Variants in AKAP6 observed in about 807,000 individuals in gnomAD.
AKAP6 encodes A-kinase anchor protein 6.
Under a neutral mutation model 188.5 loss-of-function variants are expected in AKAP6, and 58 were observed. That is an observed-to-expected ratio of 0.31 (90% confidence interval 0.25 to 0.38). The LOEUF is 0.38. Ranked by LOEUF, AKAP6 falls within the 10% of genes least tolerant of loss-of-function variation. The pLI, the probability that AKAP6 is intolerant of heterozygous loss-of-function variation, is 1.00. For missense variants in AKAP6, 2,710 were observed against 2,740.0 expected (o/e 0.99, Z 0.24); for synonymous variants, 989 against 998.6 (o/e 0.99, Z 0.18).
intron 12 of AKAP6, among the ~76,000 whole-genome samples, chr14:32,776,420 C>T (rs756677795): frequency 1.2e-4 from 19 of 152,146 alleles, no homozygotes; most frequent in East Asian, 7.7e-4. Context: ...GTGCCTTTTG[C>T]CTTCCACCAT....
chr14:32,784,425 T>C (rs2140029046), intron 12 of AKAP6, among the ~76,000 whole-genome samples: 1 of 152,324 alleles, frequency 6.6e-6, no homozygotes, highest in South Asian at 2.1e-4. Context: ...CAGTCTAGTA[T>C]ACACAATTTC....
chr14:32,612,172 T>C (rs942987834), intron 7 of AKAP6, among the ~76,000 whole-genome samples: 2 of 152,210 alleles, frequency 1.3e-5, no homozygotes, highest in African/African-American at 4.8e-5. Context: ...CATTTGGTGA[T>C]TAATCTCACA....
intron 12 of AKAP6, among the ~76,000 whole-genome samples, chr14:32,815,548 A>G (rs2034356260): frequency 6.6e-6 from 1 of 152,206 alleles, no homozygotes; most frequent in Non-Finnish European, 1.5e-5. Flanking sequence ...AAGTCCAGCT[A>G]GGATATGAAA....
chr14:32,718,033 C>T (rs1428472858), intron 9 of AKAP6, among the ~76,000 whole-genome samples: 2 of 152,084 alleles, frequency 1.3e-5, no homozygotes, highest in East Asian at 3.9e-4. Context: ...TCTTAGGGCC[C>T]ACCAATTTCT....
At chr14:32,788,040 CAAAAAAA>C (rs10606532) in intron 12 of AKAP6, among the ~76,000 whole-genome samples, 3 of 96,342 alleles carry the variant, frequency 3.1e-5, no homozygotes, top group Non-Finnish European at 4.1e-5. Context: ...GACCCCATCT[CAAAAAAA>C]AAAAAAAAAA....
chr14:32,428,544 G>A (rs8014419), intron 1 of AKAP6, among the ~76,000 whole-genome samples: 144,460 of 152,208 alleles, frequency 0.95, 68,594 homozygotes, highest in Admixed American at 0.97. Flanking sequence ...CTGAAGGGCC[G>A]TTAGGGAAAA....
rs139471410 is a variant in AKAP6 at position 32,489,236 on chromosome 14, A to G, written c.325-46318A>G. 3.1e-3 allele frequency among the ~76,000 whole-genome samples: 475 copies of G among 152,216 alleles called. 3 individuals carry two copies. The highest frequency in any genetic ancestry group is 0.011 in the African/African-American group (440 of 41,532). ...TGACTGATTAATTTTTAGAGCTGCA[A>G]TCTCACTCTGTCGCCCAGGCTGTGT... On this transcript the variant is annotated intron_variant, in intron 2 of 13. Coordinates refer to ENST00000280979, the MANE Select transcript of AKAP6 (RefSeq NM_004274.5).
chr14:32,705,117 A>G (rs1171741941), intron 9 of AKAP6, among the ~76,000 whole-genome samples: 1 of 152,190 alleles, frequency 6.6e-6, no homozygotes, highest in Non-Finnish European at 1.5e-5. Flanking sequence ...AAAGAAGCAC[A>G]TTTGTGGTTG....
At chr14:32,543,070 C>A (rs1281866168) in intron 3 of AKAP6, among the ~76,000 whole-genome samples, 1 of 152,210 alleles carries the variant, frequency 6.6e-6, no homozygotes, top group Admixed American at 6.5e-5. Flanking sequence ...ATCCACTCTT[C>A]TAGCTATTTG....
At chr14:32,780,420 C>T (rs566494597) in intron 12 of AKAP6, among the ~76,000 whole-genome samples, 27 of 151,978 alleles carry the variant, frequency 1.8e-4, no homozygotes, top group African/African-American at 6.5e-4. Context: ...GAGTTATGGT[C>T]CTATTAAAAA....
intron 5 of AKAP6, among the ~76,000 whole-genome samples, chr14:32,597,023 T>G (rs1430084949): frequency 1.3e-5 from 2 of 152,182 alleles, no homozygotes; most frequent in African/African-American, 4.8e-5. Context: ...GTAATAGTTA[T>G]GTTAAATGGT....
At chr14:32,574,837 G>A (rs529459971) in intron 4 of AKAP6, among the ~76,000 whole-genome samples, 10 of 152,286 alleles carry the variant, frequency 6.6e-5, no homozygotes, top group African/African-American at 2.2e-4. Flanking sequence ...ACAGATGACA[G>A]ACAATACTTC....
rs1227156077 is a variant in AKAP6, at chr14:32,587,973, C to G, written c.2469+10731C>G. 2.6e-5 allele frequency among the ~76,000 whole-genome samples: 4 copies of G among 152,104 alleles called. No homozygotes were observed. The East Asian group carries it at 7.7e-4, about 29-fold the overall frequency. ...TCAGGGGTACATGGTAAAGGTGGAGCAAGCTGTCTTTTATACAACTTCTAT... is the reference window on the plus strand; with the variant it reads ...TCAGGGGTACATGGTAAAGGTGGAGGAAGCTGTCTTTTATACAACTTCTAT... On this transcript the variant is annotated intron_variant, in intron 5 of 13. Coordinates refer to ENST00000280979, the MANE Select transcript of AKAP6 (RefSeq NM_004274.5).
intron 2 of AKAP6, among the ~76,000 whole-genome samples, chr14:32,487,870 G>C (rs369215511): frequency 4.6e-5 from 7 of 152,212 alleles, no homozygotes; most frequent in African/African-American, 1.7e-4. Flanking sequence ...ACCAGCGGAG[G>C]CTGAGGAACA....
chr14:32,463,333 C>T (rs927965311), intron 2 of AKAP6, among the ~76,000 whole-genome samples: 2 of 152,082 alleles, frequency 1.3e-5, no homozygotes, highest in Non-Finnish European at 2.9e-5. Flanking sequence ...ATTCTAAAAT[C>T]AACCGCATAA....
intron 9 of AKAP6, among the ~76,000 whole-genome samples, chr14:32,726,632 G>C (rs1474710516): frequency 6.6e-6 from 1 of 152,236 alleles, no homozygotes; most frequent in Non-Finnish European, 1.5e-5. Context: ...GTGCATTTCA[G>C]TCTTCAATTA....
chr14:32,459,351 A>G (rs1272642045), intron 2 of AKAP6, among the ~76,000 whole-genome samples: 2 of 152,164 alleles, frequency 1.3e-5, no homozygotes, highest in Admixed American at 6.5e-5. Context: ...ATACTTATAA[A>G]TGATGAACTC....
chr14:32,519,889 A>G (rs1881728492), intron 2 of AKAP6, among the ~76,000 whole-genome samples: 1 of 152,226 alleles, frequency 6.6e-6, no homozygotes, highest in Admixed American at 6.5e-5. Flanking sequence ...TCAACAGAAT[A>G]TACATTCTTC....
intron 11 of AKAP6, among the ~76,000 whole-genome samples, chr14:32,760,463 A>G (rs1201249626): frequency 6.6e-6 from 1 of 152,216 alleles, no homozygotes. Flanking sequence ...GTTATTATCA[A>G]ACTAGGAGAA....
Sources: gnomAD v4.1 joint callset for allele counts (sites outside exome capture counted in the v4.1 genomes callset) on GRCh38, gnomAD v4.1.1 for gene constraint, MANE v1.5 for transcripts, NCBI Gene and HGNC (gene_info 2026-07-23, HGNC 2026-07-21) for gene names.